Variants in SLC6A16 observed in about 807,000 individuals in gnomAD.
The protein encoded by SLC6A16 is orphan sodium- and chloride-dependent neurotransmitter transporter NTT5.
SLC6A16 carries 54 observed loss-of-function variants against 65.4 expected under a neutral mutation model. The observed-to-expected ratio is 0.83, with a 90% CI of 0.66 to 1.04. The LOEUF (loss-of-function observed/expected upper bound fraction) is 1.04, where lower values mean the gene tolerates loss of function less well. SLC6A16 is among the 50% of genes least tolerant of loss of function. The pLI is 0.00. For missense variants in SLC6A16, 816 were observed against 914.0 expected, an observed-to-expected ratio of 0.89 and a Z score of 1.38; for synonymous variants, 330 against 346.5, an observed-to-expected ratio of 0.95 and a Z score of 0.53.
intron 7 of SLC6A16, among the ~76,000 whole-genome samples, chr19:49,295,026 G>C (rs1031373658): frequency 6.6e-6 from 1 of 151,854 alleles, no homozygotes; most frequent in Non-Finnish European, 1.5e-5. Context: ...ATGTCCCTAC[G>C]GCCCTCTTCA....
the SLC6A16 span, chr19:49,335,197 CA>C: frequency 3.3e-6 from 1 of 303,068 alleles, no homozygotes; most frequent in Non-Finnish European, 6.2e-6. This position sits in a 1 kb window ranked among gnomAD's most constrained non-coding sequence, Gnocchi z 4.6. Context: ...TCCAGTAGAT[CA>C]GGGGTCCCTT....
chr19:49,297,672 A>C (rs1441043852), intron 7 of SLC6A16, among the ~76,000 whole-genome samples: 1 of 152,198 alleles, frequency 6.6e-6, no homozygotes, highest in African/African-American at 2.4e-5. Context: ...GACAGCCCTA[A>C]ACTGGAAACA....
At chr19:49,314,117 A>C (rs909582363) in intron 1 of SLC6A16, among the ~76,000 whole-genome samples, 1 of 151,542 alleles carries the variant, frequency 6.6e-6, no homozygotes, top group African/African-American at 2.4e-5. Context: ...AATCATAATC[A>C]TAATCATAAT....
intron 7 of SLC6A16, among the ~76,000 whole-genome samples, chr19:49,306,685 G>A (rs947451720): frequency 8.6e-5 from 13 of 151,922 alleles, no homozygotes; most frequent in Admixed American, 7.9e-4. Flanking sequence ...TGGGACTACA[G>A]GTGTGTGCCA....
upstream of SLC6A16, among the ~76,000 whole-genome samples, chr19:49,326,030 C>T (rs1355457571): frequency 2.0e-5 from 3 of 151,418 alleles, no homozygotes; most frequent in Non-Finnish European, 4.4e-5. Context: ...ATTAGCCGGG[C>T]GTGGTGGCAC....
rs777543189 is a variant in SLC6A16 at position 49,294,489 on chromosome 19, CA to C, written c.1293del (p.Val432SerfsTer30). The C allele has an allele frequency of 8.7e-6, 14 of 1,613,836 alleles. No individual in the cohort carries two copies. In the Admixed American group the frequency reaches 2.2e-4, roughly 25 times the overall value. ...LGKLPPDAKP[P>X]VNLLYNPTSI... Reference sequence around the variant, plus strand: ...GAGGTTGGGTTGTAAAGCAGGTTGACAGGGGGCTTGGCATCAGGAGGCAGTT... The same window carrying C: ...GAGGTTGGGTTGTAAAGCAGGTTGACGGGGGCTTGGCATCAGGAGGCAGTT... On this transcript the variant is annotated frameshift_variant, in exon 8 of 12. Transcript: ENST00000335875. LOFTEE classifies it high-confidence loss of function.
chr19:49,298,417 T>A (rs545382871), intron 7 of SLC6A16, among the ~76,000 whole-genome samples: 180 of 152,198 alleles, frequency 1.2e-3, no homozygotes, highest in African/African-American at 4.2e-3. Context: ...TAACCCCATT[T>A]AAAAAATGGG....
At chr19:49,322,009 G>A (rs1371033229) in intron 1 of SLC6A16, among the ~76,000 whole-genome samples, 1 of 151,972 alleles carries the variant, frequency 6.6e-6, no homozygotes, top group East Asian at 1.9e-4. Flanking sequence ...ATAAAAGACT[G>A]TAAGCTTTTC....
At chr19:49,339,338 G>T in the SLC6A16 span, 1 of 1,613,858 alleles carries the variant, frequency 6.2e-7, no homozygotes, top group Non-Finnish European at 8.5e-7. The surrounding 1 kb of genome is among the most constrained non-coding windows in gnomAD (Gnocchi z 4.5). Context: ...AGGGCTGCGC[G>T]CAGGGCCTCC....
the SLC6A16 span, chr19:49,338,734 G>T: frequency 6.2e-7 from 1 of 1,612,932 alleles, no homozygotes. The surrounding 1 kb of genome is among the most constrained non-coding windows in gnomAD (Gnocchi z 5.0). Flanking sequence ...CCGCAGGACT[G>T]GTTCCAAGTC....
chr19:49,310,222 G>A, intron 3 of SLC6A16, 56 bp from the exon 4 acceptor site: 2 of 1,609,710 alleles, frequency 1.2e-6, no homozygotes. Flanking sequence ...GAAAAGGGAG[G>A]GGATTTGACA....
At chr19:49,325,416 T>C (rs759076705), upstream of SLC6A16, among the ~76,000 whole-genome samples, 1 of 152,142 alleles carries the variant, frequency 6.6e-6, no homozygotes. Flanking sequence ...CAGGCGGGGC[T>C]CTAAGACAAG....
the SLC6A16 span, among the ~76,000 whole-genome samples, chr19:49,334,308 A>G: frequency 0.011 from 1,682 of 151,720 alleles, 13 homozygotes; most frequent in Non-Finnish European, 0.016. Flanking sequence ...ACACAGTGAG[A>G]CTCCCATCTC....
chr19:49,332,723 G>A, the SLC6A16 span, among the ~76,000 whole-genome samples: 1 of 152,124 alleles, frequency 6.6e-6, no homozygotes, highest in African/African-American at 2.4e-5. Flanking sequence ...TTTGGAGAAC[G>A]CCATGCAACC....
At chr19:49,323,420 G>C (rs903580725) in intron 1 of SLC6A16, among the ~76,000 whole-genome samples, 17 of 152,032 alleles carry the variant, frequency 1.1e-4, no homozygotes, top group Admixed American at 2.0e-4. Flanking sequence ...GGGGTGAAAA[G>C]ATAACCCACA....
upstream of SLC6A16, among the ~76,000 whole-genome samples, chr19:49,326,931 A>G (rs1387012752): frequency 6.6e-6 from 1 of 152,040 alleles, no homozygotes; most frequent in African/African-American, 2.4e-5. Context: ...AGGCACAAGA[A>G]TCACTTAAAA....
chr19:49,340,246 T>C, the SLC6A16 span: 1 of 1,610,044 alleles, frequency 6.2e-7, no homozygotes, highest in Non-Finnish European at 8.5e-7. Flanking sequence ...CTCCTTTCTC[T>C]ATAGCTCGGG....
chr19:49,295,359 G>A (rs983675534), intron 7 of SLC6A16, among the ~76,000 whole-genome samples: 13 of 138,460 alleles, frequency 9.4e-5, no homozygotes, highest in African/African-American at 2.5e-4. Flanking sequence ...CAGCCTGGGC[G>A]ACAGCGAGAC....
the SLC6A16 span, chr19:49,332,171 C>G: frequency 2.0e-5 from 9 of 456,584 alleles, no homozygotes; most frequent in African/African-American, 1.4e-4. Flanking sequence ...TCCAGGAGTT[C>G]CTTGGCTTGT....
Sources: gnomAD v4.1 joint callset for allele counts (sites outside exome capture counted in the v4.1 genomes callset) on GRCh38, gnomAD v4.1.1 for gene constraint, Gnocchi (gnomAD v3.1) non-coding constraint, MANE v1.5 for transcripts, NCBI Gene and HGNC (gene_info 2026-07-23, HGNC 2026-07-21) for gene names.